GALNT11: variants seen among roughly 807,000 people sequenced by gnomAD.
GALNT11 encodes the protein polypeptide N-acetylgalactosaminyltransferase 11.
GALNT11 carries 47 observed loss-of-function variants against 72.7 expected under a neutral mutation model. The observed-to-expected ratio is 0.65, with a 90% CI of 0.51 to 0.82. The LOEUF (loss-of-function observed/expected upper bound fraction) is 0.82. Ranked by LOEUF, GALNT11 falls within the 40% of genes least tolerant of loss-of-function variation. The probability of loss-of-function intolerance (pLI) is 0.00; values close to 1 mark genes in which losing one functional copy is unlikely to be tolerated. For missense variants in GALNT11, 677 were observed against 778.4 expected, an observed-to-expected ratio of 0.87 and a Z score of 1.55; for synonymous variants, 270 against 286.6, an observed-to-expected ratio of 0.94 and a Z score of 0.58.
At chr7:152,100,026 G>C (rs1369821680) in intron 2 of GALNT11, among the ~76,000 whole-genome samples, 1 of 143,166 alleles carries the variant, frequency 7.0e-6, no homozygotes, top group African/African-American at 2.6e-5. Context: ...CAGTCCTCCT[G>C]CCTTGGCCTC....
chr7:152,080,951 CAA>C (rs998249482), intron 1 of GALNT11, among the ~76,000 whole-genome samples: 2 of 152,102 alleles, frequency 1.3e-5, no homozygotes, highest in Non-Finnish European at 2.9e-5. Context: ...GCCTGGGCGA[CAA>C]GAGCGAAACT....
chr7:152,121,049 T>G, intron 11 of GALNT11, 81 bp downstream of exon 11: 2 of 1,516,722 alleles, frequency 1.3e-6, no homozygotes, highest in Non-Finnish European at 1.8e-6. Context: ...TGAACTCATT[T>G]TCTACCTTGG....
chr7:152,053,676 A>C (rs1035837279), intron 1 of GALNT11, among the ~76,000 whole-genome samples: 3 of 152,182 alleles, frequency 2.0e-5, no homozygotes, highest in African/African-American at 7.2e-5. Flanking sequence ...CGAGGCCCTC[A>C]TGATGTTGTC....
intron 7 of GALNT11, among the ~76,000 whole-genome samples, chr7:152,111,628 G>GTGTGTATA (rs553453480): frequency 4.1e-5 from 6 of 144,826 alleles, no homozygotes; most frequent in Admixed American, 1.4e-4. Flanking sequence ...GTGTGTGTGT[G>GTGTGTATA]TATATATATA....
rs1228537264 is a variant in GALNT11 at position 152,025,800 on chromosome 7, G to C, written c.-123G>C. On this transcript the variant is annotated 5_prime_UTR_variant, in exon 1 of 12. Transcript: ENST00000430044. ...GGGCAGTTCAGCCCGCGCCGCTCCT[G>C]CGGGTCGGACTGGGGCTGTGGCGGG... 4.7e-6 allele frequency: 1 copy of C among 211,780 alleles called. No homozygotes were observed. The highest frequency in any genetic ancestry group is 1.0e-5 in the Non-Finnish European group (1 of 97,060). 13.1% of individuals were successfully genotyped at this position (211,780 alleles called of 1,614,324 possible). A position where few individuals can be genotyped will look rare whatever the true frequency, so the allele number is the denominator to read the frequency against.
At chr7:152,065,797 T>C (rs2084273239) in intron 1 of GALNT11, among the ~76,000 whole-genome samples, 2 of 152,220 alleles carry the variant, frequency 1.3e-5, no homozygotes, top group South Asian at 2.1e-4. Context: ...ATTTTTCCTC[T>C]GAAAGCGTCA....
intron 3 of GALNT11, among the ~76,000 whole-genome samples, chr7:152,102,605 CA>C (rs1461617947): frequency 2.6e-5 from 4 of 152,074 alleles, no homozygotes; most frequent in Non-Finnish European, 4.4e-5. Flanking sequence ...ACATTATTAG[CA>C]AAATGTAAAA....
chr7:152,108,894 G>A (rs1021112239), intron 6 of GALNT11, among the ~76,000 whole-genome samples: 1 of 152,126 alleles, frequency 6.6e-6, no homozygotes, highest in Non-Finnish European at 1.5e-5. Context: ...TTCTTGATTT[G>A]CCAGAGTGTA....
intron 1 of GALNT11, among the ~76,000 whole-genome samples, chr7:152,038,204 G>A (rs1278240290): frequency 6.6e-6 from 1 of 152,212 alleles, no homozygotes; most frequent in Non-Finnish European, 1.5e-5. Flanking sequence ...CAGAAATATA[G>A]AGTGTGGAAT....
chr7:152,075,887 C>A (rs2084933548), intron 1 of GALNT11, among the ~76,000 whole-genome samples: 2 of 151,330 alleles, frequency 1.3e-5, no homozygotes, highest in African/African-American at 4.9e-5. Context: ...CACTGAAACC[C>A]CGTCTCTACT....
intron 1 of GALNT11, among the ~76,000 whole-genome samples, chr7:152,093,589 C>T (rs1225762345): frequency 6.6e-6 from 1 of 151,898 alleles, no homozygotes; most frequent in African/African-American, 2.4e-5. Context: ...CCACAACCCT[C>T]AGCTAATTTT....
intron 1 of GALNT11, among the ~76,000 whole-genome samples, chr7:152,048,005 G>T (rs762795773): frequency 1.3e-4 from 19 of 151,774 alleles, no homozygotes; most frequent in Non-Finnish European, 2.5e-4. Context: ...ACTGAGTTTT[G>T]TACCTTCAGA....
chr7:152,111,274 C>T (rs2088165943), intron 7 of GALNT11, among the ~76,000 whole-genome samples: 1 of 152,104 alleles, frequency 6.6e-6, no homozygotes, highest in Non-Finnish European at 1.5e-5. Context: ...CACCTCTCAG[C>T]CTCCTAAGTA....
intron 1 of GALNT11, among the ~76,000 whole-genome samples, chr7:152,049,160 C>T (rs779296950): frequency 3.1e-4 from 47 of 152,128 alleles, no homozygotes; most frequent in East Asian, 3.9e-4. Flanking sequence ...TCATGTTTTC[C>T]GGAATCATCT....
At chr7:152,027,810 G>A (rs1349211880) in intron 1 of GALNT11, 7 of 163,884 alleles carry the variant, frequency 4.3e-5, no homozygotes, top group African/African-American at 1.4e-4. Flanking sequence ...TGGTGGGTTC[G>A]TGGTCTTGCT....
chr7:152,042,959 C>T (rs1220421300), intron 1 of GALNT11, among the ~76,000 whole-genome samples: 1 of 152,188 alleles, frequency 6.6e-6, no homozygotes, highest in Non-Finnish European at 1.5e-5. Context: ...CCTGTATCTA[C>T]CAAACCTTTA....
Position 152,094,259 on chromosome 7 carries a change from A to G in GALNT11, c.32A>G (p.Tyr11Cys). ...AGTGTCACAGTTCGGTATTTCTGTTATGGGTGCCTTTTTACATCTGCGACC... is the reference window on the plus strand; with the variant it reads ...AGTGTCACAGTTCGGTATTTCTGTTGTGGGTGCCTTTTTACATCTGCGACC... MGSVTVRYFC[Y>C]GCLFTSATWT... The change falls in exon 2 of 12, where the codon TAT (tyrosine) becomes TGT (cysteine). Residue 11 changes from tyrosine to cysteine, a missense_variant. Transcript: ENST00000430044. The surrounding 1 kb of genome is among the most constrained non-coding windows in gnomAD (Gnocchi z 4.3). 3 of 1,611,186 alleles carry G rather than the reference A, an allele frequency of 1.9e-6. No individual in the cohort carries two copies. The highest frequency in any genetic ancestry group is 2.5e-6 in the Non-Finnish European group (3 of 1,178,230).
In GALNT11 at chr7:152,107,077, A is replaced by T. The variant is rs564236280; in HGVS notation, c.713-961A>T. Among the ~76,000 whole-genome samples, 39 of 152,288 alleles carry T rather than the reference A, an allele frequency of 2.6e-4. No individual in the cohort carries two copies. The South Asian group carries it at 5.4e-3, about 21-fold the overall frequency. Reference sequence around the variant, plus strand: ...GAAAACTGTCTGAGATACTGCTTTTATCACTAGTTGAAGTTGGATAGATAA... The same window carrying T: ...GAAAACTGTCTGAGATACTGCTTTTTTCACTAGTTGAAGTTGGATAGATAA... On this transcript the variant is annotated intron_variant, in intron 5 of 11. Transcript: ENST00000430044.
intron 1 of GALNT11, among the ~76,000 whole-genome samples, chr7:152,073,290 C>T (rs2084770191): frequency 6.6e-6 from 1 of 152,172 alleles, no homozygotes; most frequent in African/African-American, 2.4e-5. Context: ...TAACAAATCT[C>T]TTCCTATCTC....
Sources: allele counts gnomAD v4.1 joint callset (sites outside exome capture counted in the v4.1 genomes callset), GRCh38; gene constraint gnomAD v4.1.1; non-coding constraint Gnocchi (gnomAD v3.1); transcripts MANE v1.5; gene names NCBI Gene and HGNC (gene_info 2026-07-23, HGNC 2026-07-21).